Variants in CNKSR3 observed in about 807,000 individuals in gnomAD.
The protein encoded by CNKSR3 is connector enhancer of kinase suppressor of ras 3.
Under a neutral mutation model 67.7 loss-of-function variants are expected in CNKSR3, and 36 were observed. That is an observed-to-expected ratio of 0.53 (90% CI 0.41 to 0.70). The LOEUF is 0.70. Ranked by LOEUF, CNKSR3 falls within the 30% of genes least tolerant of loss-of-function variation. The pLI, the probability that CNKSR3 is intolerant of heterozygous loss-of-function variation, is 0.00. For synonymous variants in CNKSR3, 281 were observed against 271.4 expected (o/e 1.04, Z -0.35); for missense variants, 630 against 695.2 (o/e 0.91, Z 1.05).
chr6:154,423,001 A>T lies in CNKSR3; in HGVS notation c.730-18T>A, dbSNP rs1465929777. The T allele has an allele frequency of 3.2e-6, 5 of 1,545,946 alleles. No homozygotes were observed. On this transcript the variant is annotated intron_variant, in intron 7 of 12. Transcript: ENST00000607772. ...GCAGGAGACTGTACAGAAACAAAATAACCTGCCTTAATTCTTTTAAACCTT... is the reference window on the plus strand; with the variant it reads ...GCAGGAGACTGTACAGAAACAAAATTACCTGCCTTAATTCTTTTAAACCTT...
chr6:154,464,906 C>G (rs1786161612), intron 1 of CNKSR3, among the ~76,000 whole-genome samples: 1 of 151,522 alleles, frequency 6.6e-6, no homozygotes. Flanking sequence ...CTTTGGGAAG[C>G]CAAGGTGGGT....
intron 4 of CNKSR3, among the ~76,000 whole-genome samples, chr6:154,436,206 G>C (rs115398544): frequency 0.068 from 10,279 of 152,242 alleles, 367 homozygotes; most frequent in African/African-American, 0.089. Flanking sequence ...GGGTCTCACT[G>C]TGTCACCCAG....
At chr6:154,473,632 C>T (rs1208932671) in intron 1 of CNKSR3, among the ~76,000 whole-genome samples, 3 of 152,082 alleles carry the variant, frequency 2.0e-5, no homozygotes, top group Non-Finnish European at 1.5e-5. Flanking sequence ...TAGAGGTGAA[C>T]GACAGAGCCC....
In CNKSR3 at chr6:154,465,140, C is replaced by CAA. The variant is rs59986165; in HGVS notation, c.53-14884_53-14883dup. On this transcript the variant is annotated intron_variant, in intron 1 of 12. Transcript: ENST00000607772. Reference sequence around the variant, plus strand: ...TGGGCAACTGGGCAAGATTCTGTCTCAAAAAAAAAAAAAAAAAAAAAAAAG... The same window carrying CAA: ...TGGGCAACTGGGCAAGATTCTGTCTCAAAAAAAAAAAAAAAAAAAAAAAAAAG... Among the ~76,000 whole-genome samples, 205 of 68,264 alleles carry CAA rather than the reference C, an allele frequency of 3.0e-3. 1 individual carries two copies. The highest frequency in any genetic ancestry group is 3.3e-3 in the East Asian group (7 of 2,100). 44.8% of individuals were successfully genotyped at this position (68,264 alleles called of 152,430 possible). A position where few individuals can be genotyped will look rare whatever the true frequency, so the allele number is the denominator to read the frequency against.
At chr6:154,448,089 T>C (rs2128718715) in intron 2 of CNKSR3, among the ~76,000 whole-genome samples, 1 of 152,274 alleles carries the variant, frequency 6.6e-6, no homozygotes, top group Non-Finnish European at 1.5e-5. Flanking sequence ...AAGCTTGGTC[T>C]ACAAAGGAAA....
intron 4 of CNKSR3, among the ~76,000 whole-genome samples, chr6:154,434,412 A>G (rs1387221486): frequency 6.6e-6 from 1 of 152,230 alleles, no homozygotes; most frequent in African/African-American, 2.4e-5. Flanking sequence ...AGATAATGCT[A>G]ATTTCTTTTA....
chr6:154,432,706 C>G (rs753250543), intron 5 of CNKSR3, among the ~76,000 whole-genome samples: 5 of 152,178 alleles, frequency 3.3e-5, no homozygotes, highest in Non-Finnish European at 7.4e-5. Flanking sequence ...GAATGCCAAA[C>G]ACTGACAAGG....
rs1784590594 is a variant in CNKSR3 at position 154,390,232 on chromosome 6, GC to G, written c.*16121del. On this transcript the variant is annotated 3_prime_UTR_variant, in exon 13 of 13. Coordinates refer to ENST00000607772, the MANE Select transcript of CNKSR3 (RefSeq NM_173515.4). ...TTGCCTTGCCTTAGCCCCAGCCTGTGCCTGACCAACTCACCTAGGCTACCAA... is the reference window on the plus strand; with the variant it reads ...TTGCCTTGCCTTAGCCCCAGCCTGTGCTGACCAACTCACCTAGGCTACCAA... The G allele has an allele frequency of 6.6e-6, 1 of 152,234 alleles. No homozygotes were observed. Among genetic ancestry groups the G allele is most frequent in the Non-Finnish European group, 1.5e-5 (1 of 68,098 alleles). The allele number at this position is 152,234 out of a possible 1,614,324, so 9.4% of individuals were successfully genotyped here. A position where few individuals can be genotyped will look rare whatever the true frequency, so the allele number is the denominator to read the frequency against.
intron 1 of CNKSR3, among the ~76,000 whole-genome samples, chr6:154,489,738 C>T (rs1447424099): frequency 1.3e-5 from 2 of 152,098 alleles, no homozygotes; most frequent in African/African-American, 2.4e-5. Context: ...ATTGATATTT[C>T]TAACCACTTC....
chr6:154,486,974 T>C (rs2114644919), intron 1 of CNKSR3, among the ~76,000 whole-genome samples: 1 of 152,110 alleles, frequency 6.6e-6, no homozygotes, highest in Middle Eastern at 3.4e-3. Context: ...CCCAGCCTTC[T>C]CCTCTTTTTT....
intron 1 of CNKSR3, among the ~76,000 whole-genome samples, chr6:154,479,999 A>G (rs924433150): frequency 3.9e-5 from 6 of 152,194 alleles, no homozygotes; most frequent in Non-Finnish European, 7.3e-5. Flanking sequence ...AACAGAGGCA[A>G]ATAAATCACA....
At chr6:154,410,252 T>C (rs1562318326) in intron 12 of CNKSR3, 91 bp downstream of exon 12, 2 of 853,386 alleles carry the variant, frequency 2.3e-6, no homozygotes, top group Non-Finnish European at 3.9e-6. Flanking sequence ...AGTCTACTTA[T>C]TATAACACAT....
chr6:154,461,791 T>C (rs1401693804), intron 1 of CNKSR3, among the ~76,000 whole-genome samples: 1 of 152,166 alleles, frequency 6.6e-6, no homozygotes, highest in Non-Finnish European at 1.5e-5. Context: ...ACACAACCAA[T>C]AATAGGCAGA....
In CNKSR3 at chr6:154,401,382, T is replaced by C. The variant is rs1584042521; in HGVS notation, c.*4972A>G. On this transcript the variant is annotated 3_prime_UTR_variant, in exon 13 of 13. Coordinates refer to ENST00000607772, the MANE Select transcript of CNKSR3 (RefSeq NM_173515.4). ...CTCTCTCTGCCATGTAAGGATGCAATGGGAAGATGATGGCTATCAGCAAAC... is the reference window on the plus strand; with the variant it reads ...CTCTCTCTGCCATGTAAGGATGCAACGGGAAGATGATGGCTATCAGCAAAC... 1 of 152,176 alleles carries C rather than the reference T, an allele frequency of 6.6e-6. No individual in the cohort carries two copies. 9.4% of individuals were successfully genotyped at this position (152,176 alleles called of 1,614,324 possible).
chr6:154,406,403 G>C lies in CNKSR3; in HGVS notation c.1619C>G (p.Pro540Arg). 11 of 1,614,172 alleles carry C rather than the reference G, an allele frequency of 6.8e-6. No homozygotes were observed. Among genetic ancestry groups the C allele is most frequent in the Non-Finnish European group, 9.3e-6 (11 of 1,180,036 alleles). Residue 540 changes from proline (P) to arginine (R), a missense_variant, in exon 13 of 13, where the codon CCG becomes CGG. This residue lies in a region of CNKSR3 where 308 missense variants were observed against 299.6 expected (regional missense o/e 1.03). Coordinates refer to ENST00000607772, the MANE Select transcript of CNKSR3 (RefSeq NM_173515.4). Reference protein sequence around the residue: ...SSATKSSSTEPSLLVSWFTRL... With the variant: ...SSATKSSSTERSLLVSWFTRL... ...CGTAAACCAGCTGACCAGGAGGGAC[G>C]GTTCTGTGGACGAGGACTTCGTAGC...
chr6:154,479,446 C>G (rs940664363), intron 1 of CNKSR3, among the ~76,000 whole-genome samples: 1 of 152,090 alleles, frequency 6.6e-6, no homozygotes, highest in Non-Finnish European at 1.5e-5. Flanking sequence ...AACTAGAGCT[C>G]CAAAACTGAA....
At chr6:154,407,886 A>AAG (rs1554230769) in intron 12 of CNKSR3, among the ~76,000 whole-genome samples, 1 of 151,168 alleles carries the variant, frequency 6.6e-6, no homozygotes, top group East Asian at 1.9e-4. Flanking sequence ...AAAAAAAAAA[A>AAG]AAAAAAAAAC....
chr6:154,473,697 G>A (rs1015776452), intron 1 of CNKSR3, among the ~76,000 whole-genome samples: 11 of 152,114 alleles, frequency 7.2e-5, no homozygotes, highest in Non-Finnish European at 2.9e-5. Flanking sequence ...TGACATATAG[G>A]GTCTGGAGTC....
At chr6:154,425,059 A>G (rs1233670447) in intron 7 of CNKSR3, among the ~76,000 whole-genome samples, 1 of 152,220 alleles carries the variant, frequency 6.6e-6, no homozygotes, top group African/African-American at 2.4e-5. Context: ...GGCGTGAGCC[A>G]CCGCACCCGG....
Sources: allele counts gnomAD v4.1 joint callset (sites outside exome capture counted in the v4.1 genomes callset), GRCh38; gene constraint gnomAD v4.1.1; regional missense constraint gnomAD v4.1.1; transcripts MANE v1.5; gene names NCBI Gene and HGNC (gene_info 2026-07-23, HGNC 2026-07-21).